The following SLC8A3 variants were observed in gnomAD, a reference collection of about 807,000 sequenced individuals.
SLC8A3 encodes the protein solute carrier family 8 member A3, also known as sodium/calcium exchanger 3.
A neutral mutation model predicts 65.4 loss-of-function variants in SLC8A3; 37 were observed. The ratio of observed to expected loss-of-function variants is 0.57; its 90% CI spans 0.44 to 0.74. The LOEUF (loss-of-function observed/expected upper bound fraction) is 0.74, where lower values mean the gene tolerates loss of function less well. SLC8A3 is among the 30% of genes least tolerant of loss of function. SLC8A3 has a pLI of 0.00. For synonymous variants in SLC8A3, 461 were observed against 444.5 expected, an observed-to-expected ratio of 1.04 and a Z score of -0.47; for missense variants, 1,112 against 1,172.1, an observed-to-expected ratio of 0.95 and a Z score of 0.75.
intron 1 of SLC8A3, among the ~76,000 whole-genome samples, chr14:70,180,531 G>A (rs1372766949): frequency 6.6e-6 from 1 of 152,134 alleles, no homozygotes; most frequent in Non-Finnish European, 1.5e-5. Flanking sequence ...TCCTCTATTA[G>A]TTTCTTTTCA....
chr14:70,159,902 G>C (rs192572142), intron 2 of SLC8A3, among the ~76,000 whole-genome samples: 1 of 152,174 alleles, frequency 6.6e-6, no homozygotes, highest in East Asian at 1.9e-4. Flanking sequence ...CATTCTCCCC[G>C]ATGTGCTCTC....
At chr14:70,087,341 A>C (rs1022186729) in intron 2 of SLC8A3, among the ~76,000 whole-genome samples, 6 of 152,208 alleles carry the variant, frequency 3.9e-5, no homozygotes, top group Non-Finnish European at 7.3e-5. Flanking sequence ...GCTGCTGTGC[A>C]ACTTCCATTT....
intron 2 of SLC8A3, among the ~76,000 whole-genome samples, chr14:70,093,846 C>T (rs1447131569): frequency 2.0e-5 from 3 of 152,204 alleles, no homozygotes; most frequent in Non-Finnish European, 4.4e-5. Context: ...GCCTACCTGC[C>T]CCATTTGGGT....
chr14:70,150,616 A>G (rs1412858753), intron 2 of SLC8A3, among the ~76,000 whole-genome samples: 1 of 152,148 alleles, frequency 6.6e-6, no homozygotes, highest in African/African-American at 2.4e-5. Flanking sequence ...ACAGACAGCC[A>G]TAGCTTGGCT....
intron 2 of SLC8A3, among the ~76,000 whole-genome samples, chr14:70,149,065 C>T (rs1477903981): frequency 6.6e-6 from 1 of 152,154 alleles, no homozygotes; most frequent in African/African-American, 2.4e-5. Context: ...GGGGTTGCAC[C>T]ATTGCAGGCT....
chr14:70,105,802 A>G (rs889302690), intron 2 of SLC8A3, among the ~76,000 whole-genome samples: 9 of 152,320 alleles, frequency 5.9e-5, no homozygotes, highest in Admixed American at 5.2e-4. Context: ...AAAATTGCAG[A>G]CCAACATCTC....
In SLC8A3 at chr14:70,167,767, A is replaced by G. The variant is rs1225945259; in HGVS notation, c.656T>C (p.Met219Thr). 1 of 1,614,082 alleles carries G rather than the reference A, an allele frequency of 6.2e-7. No individual in the cohort carries two copies. Among genetic ancestry groups the G allele is most frequent in the Non-Finnish European group, 8.5e-7 (1 of 1,180,042 alleles). ...ACCAGGGGAGAAGACTGCCAGAATC[A>G]TATAGAGCCAGATGTAGGCAAAGAT... ...WSIFAYIWLY[M>T]ILAVFSPGVV... Residue 219 changes from methionine (M) to threonine (T), a missense_variant, in exon 2 of 7, where the codon ATG becomes ACG. Physicochemically the swap from Met to Thr is moderately conservative, Grantham distance 81. Coordinates refer to ENST00000356921, the MANE Select transcript of SLC8A3 (RefSeq NM_182932.3).
chr14:70,129,485 C>A (rs1452717185), intron 2 of SLC8A3, among the ~76,000 whole-genome samples: 1 of 152,138 alleles, frequency 6.6e-6, no homozygotes, highest in Non-Finnish European at 1.5e-5. Flanking sequence ...CCTTATTTTA[C>A]ATAAGAGAAA....
chr14:70,057,957 C>A (rs1888354363), intron 3 of SLC8A3, among the ~76,000 whole-genome samples: 1 of 152,220 alleles, frequency 6.6e-6, no homozygotes. Context: ...CCAGGCCCAA[C>A]AGTCTTGATT....
intron 2 of SLC8A3, among the ~76,000 whole-genome samples, chr14:70,155,512 CT>C (rs1416648845): frequency 9.2e-5 from 14 of 152,218 alleles, no homozygotes; most frequent in African/African-American, 3.4e-4. Flanking sequence ...ACCCTTAAAA[CT>C]CTGTGTTCGC....
At chr14:70,063,854 G>T (rs1889097219) in intron 2 of SLC8A3, 4 of 1,609,528 alleles carry the variant, frequency 2.5e-6, no homozygotes, top group Non-Finnish European at 3.4e-6. Flanking sequence ...CCATGCGGGG[G>T]CCCATCATCT....
At chr14:70,147,574 T>C (rs1896006327) in intron 2 of SLC8A3, among the ~76,000 whole-genome samples, 1 of 152,192 alleles carries the variant, frequency 6.6e-6, no homozygotes, top group Admixed American at 6.5e-5. Flanking sequence ...CTATTAAGCC[T>C]TGACTTTAAG....
intron 2 of SLC8A3, among the ~76,000 whole-genome samples, chr14:70,097,682 A>T (rs193100362): frequency 6.6e-6 from 1 of 152,264 alleles, no homozygotes; most frequent in East Asian, 1.9e-4. Flanking sequence ...TGACAGCTGC[A>T]TGTGGTTTTT....
chr14:70,188,217 C>T (rs1042400546), intron 1 of SLC8A3, among the ~76,000 whole-genome samples, 162 bp downstream of exon 1: 1 of 152,224 alleles, frequency 6.6e-6, no homozygotes, highest in Non-Finnish European at 1.5e-5. Context: ...GGCACTAAAT[C>T]CACAGGAAGG....
chr14:70,144,628 TAA>T (rs34113457), intron 2 of SLC8A3, among the ~76,000 whole-genome samples: 11 of 142,988 alleles, frequency 7.7e-5, no homozygotes, highest in African/African-American at 7.8e-5. Context: ...AGACTCCACC[TAA>T]AAAAAAAAAA....
intron 2 of SLC8A3, among the ~76,000 whole-genome samples, chr14:70,107,627 G>A (rs1269448664): frequency 1.3e-5 from 2 of 152,094 alleles, no homozygotes; most frequent in Non-Finnish European, 2.9e-5. Flanking sequence ...AGCTCAAAGG[G>A]CCACACAGCA....
At chr14:70,189,224 C>T (rs1248626685), upstream of SLC8A3, among the ~76,000 whole-genome samples, 1 of 152,088 alleles carries the variant, frequency 6.6e-6, no homozygotes, top group African/African-American at 2.4e-5. Context: ...CCAACCCCTG[C>T]CCCGCGGCCA....
chr14:70,127,320 G>A (rs967081614), intron 2 of SLC8A3, among the ~76,000 whole-genome samples: 1 of 152,214 alleles, frequency 6.6e-6, no homozygotes, highest in African/African-American at 2.4e-5. Flanking sequence ...GTAAAGGTCA[G>A]ATGTCTGGGC....
At chr14:70,082,089 A>T (rs892727129) in intron 2 of SLC8A3, among the ~76,000 whole-genome samples, 2 of 152,216 alleles carry the variant, frequency 1.3e-5, no homozygotes, top group African/African-American at 4.8e-5. Context: ...AGCTATTAGA[A>T]GTCAGGTAAC....
Sources: gnomAD v4.1 joint callset for allele counts (sites outside exome capture counted in the v4.1 genomes callset) on GRCh38, gnomAD v4.1.1 for gene constraint, MANE v1.5 for transcripts, NCBI Gene and HGNC (gene_info 2026-07-23, HGNC 2026-07-21) for gene names.